The following MMS22L variants were observed in gnomAD, a reference collection of about 807,000 sequenced individuals.
MMS22L encodes MMS22 like, DNA repair protein.
MMS22L carries 74 observed loss-of-function variants against 159.1 expected under a neutral mutation model. The observed-to-expected ratio is 0.47, with a 90% CI of 0.39 to 0.56. MMS22L has a LOEUF of 0.56. MMS22L is among the 20% of genes least tolerant of loss of function. The pLI is 0.00. For synonymous variants in MMS22L, 517 were observed against 506.9 expected (o/e 1.02, Z -0.27); for missense variants, 1,351 against 1,422.1 (o/e 0.95, Z 0.80).
rs542214292 is a variant in MMS22L at position 97,269,589 on chromosome 6, C to T, written c.697+313G>A. The stretch of plus-strand genomic sequence containing the variant: ...ACTATAGGTACTAACATAAACAGAT[C>T]GCTAAAACACTGATAAATGAAAGAT... On this transcript the variant is annotated intron_variant, in intron 7 of 24. Transcript: ENST00000683635. Among the ~76,000 whole-genome samples the T allele has an allele frequency of 1.1e-4, 17 of 151,930 alleles. 1 individual carries two copies. The highest frequency in any genetic ancestry group is 4.2e-4 in the South Asian group (2 of 4,818).
intron 22 of MMS22L, among the ~76,000 whole-genome samples, chr6:97,159,042 A>G (rs1802150187): frequency 1.3e-5 from 2 of 151,588 alleles, no homozygotes; most frequent in Admixed American, 6.6e-5. Flanking sequence ...TGTTGCATTG[A>G]TCCCTTTACC....
intron 21 of MMS22L, 81 bp downstream of exon 21, chr6:97,165,165 A>AT: frequency 8.0e-7 from 1 of 1,251,056 alleles, no homozygotes; most frequent in Non-Finnish European, 1.1e-6. Flanking sequence ...AGGGTTGCCA[A>AT]TATGTTTGAA....
chr6:97,193,018 CAAAT>C (rs1189977289), intron 14 of MMS22L, among the ~76,000 whole-genome samples: 8 of 152,138 alleles, frequency 5.3e-5, no homozygotes, highest in Admixed American at 1.3e-4. Context: ...TTTTACTACA[CAAAT>C]AAATAATACA....
chr6:97,212,565 A>G (rs1011684061), intron 14 of MMS22L, among the ~76,000 whole-genome samples: 13 of 152,288 alleles, frequency 8.5e-5, no homozygotes, highest in African/African-American at 3.1e-4. Flanking sequence ...CATGACATAT[A>G]TTACCTTTTT....
intron 14 of MMS22L, among the ~76,000 whole-genome samples, chr6:97,204,679 C>T (rs1807561230): frequency 6.6e-6 from 1 of 151,118 alleles, no homozygotes; most frequent in African/African-American, 2.4e-5. Flanking sequence ...CCTGTAGTCC[C>T]AGCTACTCGG....
chr6:97,193,869 T>C (rs1806165541), intron 14 of MMS22L, among the ~76,000 whole-genome samples: 1 of 152,116 alleles, frequency 6.6e-6, no homozygotes, highest in Non-Finnish European at 1.5e-5. Flanking sequence ...CACACCATTC[T>C]CCTGCCTCAG....
intron 14 of MMS22L, among the ~76,000 whole-genome samples, chr6:97,220,779 A>G (rs1472283234): frequency 6.6e-6 from 1 of 152,090 alleles, no homozygotes; most frequent in Non-Finnish European, 1.5e-5. Flanking sequence ...TAGCATTACA[A>G]TTTCCAATGG....
intron 9 of MMS22L, among the ~76,000 whole-genome samples, chr6:97,258,236 T>C (rs964309032): frequency 6.6e-6 from 1 of 152,244 alleles, no homozygotes; most frequent in Admixed American, 6.5e-5. Context: ...AAAGCTATTT[T>C]AGCCTATAGA....
At position 97,269,952 on chromosome 6, in the gene MMS22L, T is replaced by G. The variant is rs369654586; in HGVS notation, c.647A>C (p.Asp216Ala). ...PSWHLLHLHL[D>A]IHWLVLEILY... Reference sequence around the variant, plus strand: ...AATTTCTAGCACCAGCCAATGTATATCCAAGTGGAGATGTAATAAATGCCA... The same window carrying G: ...AATTTCTAGCACCAGCCAATGTATAGCCAAGTGGAGATGTAATAAATGCCA... The change falls in exon 7 of 25, where the codon GAT becomes GCT. Residue 216 changes from aspartate (D) to alanine (A), a missense_variant. Physicochemically the swap from Asp to Ala is moderately radical, Grantham distance 126. Transcript: ENST00000683635. The G allele has an allele frequency of 1.1e-5, 17 of 1,612,678 alleles. No homozygotes were observed. The highest frequency in any genetic ancestry group is 1.0e-4 in the Admixed American group (6 of 59,984).
rs143922046 is a variant in MMS22L at position 97,190,371 on chromosome 6, G to C, written c.2040-3681C>G. ...TGAAAGACATAACACAAGGATGTAG[G>C]ATCTCCCAACACTTGGCAATTGTTT... On this transcript the variant is annotated intron_variant, in intron 14 of 24. Transcript: ENST00000683635. Among the ~76,000 whole-genome samples the C allele has an allele frequency of 1.0e-3, 155 of 152,218 alleles. 1 individual carries two copies. The East Asian group carries it at 0.014, about 14-fold the overall frequency.
At chr6:97,222,720 GGAGA>G (rs1273063415) in intron 14 of MMS22L, among the ~76,000 whole-genome samples, 2 of 151,996 alleles carry the variant, frequency 1.3e-5, no homozygotes, top group African/African-American at 4.8e-5. Context: ...GGGGAGGGAG[GGAGA>G]ATCTCATGAG....
intron 14 of MMS22L, among the ~76,000 whole-genome samples, chr6:97,201,335 C>T (rs1474013269): frequency 6.6e-6 from 1 of 152,070 alleles, no homozygotes; most frequent in Non-Finnish European, 1.5e-5. Flanking sequence ...TCTTTCAGAA[C>T]ATGTGGTTAC....
intron 13 of MMS22L, chr6:97,230,441 A>G (rs1810740879): frequency 6.6e-6 from 1 of 151,984 alleles, no homozygotes; most frequent in East Asian, 1.9e-4. Flanking sequence ...CTTATTCAGG[A>G]CAGAAATGAG....
chr6:97,220,562 T>C (rs529426388), intron 14 of MMS22L, among the ~76,000 whole-genome samples: 96 of 152,058 alleles, frequency 6.3e-4, no homozygotes, highest in African/African-American at 2.3e-3. Flanking sequence ...GGAGGCAGGG[T>C]GATTAGGCAA....
chr6:97,232,246 T>C (rs1486165789), intron 12 of MMS22L, among the ~76,000 whole-genome samples: 3 of 152,290 alleles, frequency 2.0e-5, no homozygotes, highest in Non-Finnish European at 4.4e-5. Context: ...GTTATCAGCC[T>C]GGTCCACCCA....
At chr6:97,280,499 A>C (rs1225108259) in intron 3 of MMS22L, among the ~76,000 whole-genome samples, 2 of 151,948 alleles carry the variant, frequency 1.3e-5, no homozygotes, top group Non-Finnish European at 2.9e-5. Context: ...CGCCTGGCTA[A>C]TTTTTGTATT....
intron 12 of MMS22L, among the ~76,000 whole-genome samples, chr6:97,232,340 A>T (rs1460984508): frequency 6.6e-6 from 1 of 152,164 alleles, no homozygotes; most frequent in Non-Finnish European, 1.5e-5. Context: ...CATTAAATGT[A>T]CAAAATGGTG....
At chr6:97,151,897 T>A in intron 22 of MMS22L, 30 bp from the exon 23 acceptor site, 1 of 1,546,142 alleles carries the variant, frequency 6.5e-7, no homozygotes, top group Non-Finnish European at 8.9e-7. Context: ...CATTAGGCAC[T>A]GTGTCTGAAT....
chr6:97,230,504 TA>T (rs1810746945), intron 13 of MMS22L: 1 of 152,064 alleles, frequency 6.6e-6, no homozygotes, highest in Admixed American at 6.6e-5. Context: ...GACAAACTCT[TA>T]AAAGTAAAAA....
Sources: allele counts gnomAD v4.1 joint callset (sites outside exome capture counted in the v4.1 genomes callset), GRCh38; gene constraint gnomAD v4.1.1; transcripts MANE v1.5; gene names NCBI Gene and HGNC (gene_info 2026-07-23, HGNC 2026-07-21).